CPNE4: variants seen among roughly 807,000 people sequenced by gnomAD.
The protein encoded by CPNE4 is copine 4, also known as copine-4.
CPNE4 carries 25 observed loss-of-function variants against 67.9 expected under a neutral mutation model. The observed-to-expected ratio is 0.37, with a 90% CI of 0.27 to 0.51. CPNE4 has a LOEUF of 0.51. Ranked by LOEUF, CPNE4 falls within the 20% of genes least tolerant of loss-of-function variation. The probability of loss-of-function intolerance (pLI) is 0.93; values close to 1 mark genes in which losing one functional copy is unlikely to be tolerated. For synonymous variants in CPNE4, 242 were observed against 244.9 expected (o/e 0.99, Z 0.11); for missense variants, 464 against 690.8 (o/e 0.67, Z 3.68).
chr3:131,924,829 G>A (rs905063577), intron 1 of CPNE4, among the ~76,000 whole-genome samples: 1 of 152,144 alleles, frequency 6.6e-6, no homozygotes, highest in African/African-American at 2.4e-5. Context: ...ATGACTTGGT[G>A]ACTTATATGT....
chr3:131,875,236 A>G (rs1273013548), intron 2 of CPNE4, among the ~76,000 whole-genome samples: 1 of 152,206 alleles, frequency 6.6e-6, no homozygotes, highest in East Asian at 1.9e-4. Context: ...AAAAAAGACT[A>G]AATCTTTCAA....
chr3:131,597,297 A>G (rs6789074), intron 7 of CPNE4, among the ~76,000 whole-genome samples: 44,919 of 150,756 alleles, frequency 0.3, 10,398 homozygotes, highest in African/African-American at 0.66. Flanking sequence ...ATCACACATC[A>G]GGGCCTGTTG....
chr3:131,941,031 G>A (rs2071369766), intron 1 of CPNE4, among the ~76,000 whole-genome samples: 1 of 151,984 alleles, frequency 6.6e-6, no homozygotes, highest in Non-Finnish European at 1.5e-5. Flanking sequence ...ATTTACTTAA[G>A]ACCTATGATC....
chr3:131,653,455 C>T (rs746941540), intron 7 of CPNE4, among the ~76,000 whole-genome samples: 33 of 152,026 alleles, frequency 2.2e-4, no homozygotes, highest in African/African-American at 4.4e-4. Flanking sequence ...GCCACTGATA[C>T]GACTTTTAAC....
In CPNE4 at chr3:131,555,478, C is replaced by G; in HGVS notation, c.1116+19G>C. The G allele has an allele frequency of 6.2e-7, 1 of 1,608,300 alleles. No homozygotes were observed. The highest frequency in any genetic ancestry group is 1.3e-5 in the African/African-American group (1 of 74,856). On this transcript the variant is annotated intron_variant, in intron 12 of 15. Coordinates refer to ENST00000429747, the MANE Select transcript of CPNE4 (RefSeq NM_130808.3). ...TGACCACAGTGAAGTGGAAGAAGAT[C>G]ACATCTCCACTCACTCACCGTGTAC... is the stretch of plus-strand genomic sequence containing the variant.
intron 2 of CPNE4, among the ~76,000 whole-genome samples, chr3:131,894,403 A>G (rs1475163251): frequency 6.6e-6 from 1 of 152,146 alleles, no homozygotes; most frequent in African/African-American, 2.4e-5. Flanking sequence ...GCTTTTGCAC[A>G]GCAAAGGAAA....
intron 10 of CPNE4, among the ~76,000 whole-genome samples, chr3:131,565,266 T>C (rs963625470): frequency 6.6e-6 from 1 of 151,980 alleles, no homozygotes; most frequent in Admixed American, 6.6e-5. Context: ...ATAAAAGTCA[T>C]ACGGGAAGAA....
intron 2 of CPNE4, among the ~76,000 whole-genome samples, chr3:131,814,770 A>G (rs1437085020): frequency 6.9e-6 from 1 of 144,222 alleles, no homozygotes; most frequent in Non-Finnish European, 1.5e-5. Flanking sequence ...ACGCCCGGCT[A>G]ATTTTTTGTA....
intron 10 of CPNE4, among the ~76,000 whole-genome samples, chr3:131,567,902 T>C (rs975653850): frequency 6.6e-6 from 1 of 152,040 alleles, no homozygotes; most frequent in East Asian, 1.9e-4. Flanking sequence ...CATTCAAACA[T>C]GCCTGGTGGA....
intron 10 of CPNE4, among the ~76,000 whole-genome samples, chr3:131,564,594 T>C (rs1936961174): frequency 6.6e-6 from 1 of 152,020 alleles, no homozygotes; most frequent in Non-Finnish European, 1.5e-5. Flanking sequence ...TAATAGGAAC[T>C]TGAGATTGAC....
chr3:132,035,247 G>A (rs1427839112), upstream of CPNE4: 1 of 161,662 alleles, frequency 6.2e-6, no homozygotes, highest in East Asian at 1.9e-4. Context: ...ATCTCCAAGT[G>A]CTTGGTCTCC....
At position 131,832,190 on chromosome 3, in the gene CPNE4, T is replaced by C. The variant is rs576714309; in HGVS notation, c.180+73074A>G. Among the ~76,000 whole-genome samples, 5 of 152,310 alleles carry C rather than the reference T, an allele frequency of 3.3e-5. No homozygotes were observed. The East Asian group carries it at 7.7e-4, about 24-fold the overall frequency. On this transcript the variant is annotated intron_variant, in intron 2 of 15. Coordinates refer to ENST00000429747, the MANE Select transcript of CPNE4 (RefSeq NM_130808.3). ...TAGAAGTCTTATATAGCAAGTATTATAGATTGATTGTAAACTCCCAAAACT... is the reference window on the plus strand; with the variant it reads ...TAGAAGTCTTATATAGCAAGTATTACAGATTGATTGTAAACTCCCAAAACT...
At position 131,989,925 on chromosome 3, in the gene CPNE4, C is replaced by T. The variant is rs528372479; in HGVS notation, c.-2+44642G>A. Among the ~76,000 whole-genome samples, 70 of 135,886 alleles carry T rather than the reference C, an allele frequency of 5.2e-4. 7 individuals carry two copies. Among genetic ancestry groups the T allele is most frequent in the African/African-American group, 1.2e-3 (49 of 40,700 alleles). The allele number at this position is 135,886 out of a possible 152,430, so 89.1% of individuals were successfully genotyped here. A position where few individuals can be genotyped will look rare whatever the true frequency, so the allele number is the denominator to read the frequency against. On this transcript the variant is annotated intron_variant, in intron 1 of 15. Coordinates refer to ENST00000429747, the MANE Select transcript of CPNE4 (RefSeq NM_130808.3). ...CTGGACTAAAGAGGCTTAAATGTAA[C>T]GCATGGGCTCTGGGAAGCCATTGAA...
At chr3:131,974,428 C>T (rs992450022) in intron 1 of CPNE4, among the ~76,000 whole-genome samples, 1 of 152,176 alleles carries the variant, frequency 6.6e-6, no homozygotes, top group Non-Finnish European at 1.5e-5. Flanking sequence ...CACATATGTA[C>T]TGACTTCCCA....
chr3:131,708,213 G>A (rs531702564), intron 3 of CPNE4, among the ~76,000 whole-genome samples: 45 of 152,218 alleles, frequency 3.0e-4, no homozygotes, highest in South Asian at 1.0e-3. Flanking sequence ...AGAGCCATGA[G>A]GAAAAGCTCC....
intron 4 of CPNE4, among the ~76,000 whole-genome samples, chr3:131,698,250 A>AAAAAG (rs1560135457): frequency 7.1e-6 from 1 of 141,002 alleles, no homozygotes; most frequent in Non-Finnish European, 1.5e-5. Flanking sequence ...AAAAAAAAAA[A>AAAAAG]AAAGAAAGAA....
chr3:131,920,565 TG>T (rs1268033043), intron 1 of CPNE4, among the ~76,000 whole-genome samples: 3 of 151,964 alleles, frequency 2.0e-5, no homozygotes, highest in Non-Finnish European at 2.9e-5. Flanking sequence ...ATCTTGGGTG[TG>T]GGGGTATTTT....
chr3:131,901,557 T>C (rs2088551456), intron 2 of CPNE4, among the ~76,000 whole-genome samples: 1 of 152,074 alleles, frequency 6.6e-6, no homozygotes, highest in African/African-American at 2.4e-5. Context: ...AATGAAAATA[T>C]TTCCGGCCAG....
chr3:131,716,982 A>T (rs867684197), intron 3 of CPNE4, among the ~76,000 whole-genome samples: 2 of 152,248 alleles, frequency 1.3e-5, no homozygotes, highest in Admixed American at 6.5e-5. Context: ...TTCCTTGCCT[A>T]TCTAGGCAGA....
Sources: allele counts gnomAD v4.1 joint callset (sites outside exome capture counted in the v4.1 genomes callset), GRCh38; gene constraint gnomAD v4.1.1; transcripts MANE v1.5; gene names NCBI Gene and HGNC (gene_info 2026-07-23, HGNC 2026-07-21).